Variants in POLN observed in about 807,000 individuals in gnomAD.
The protein encoded by POLN is DNA polymerase N.
A neutral mutation model predicts 113.5 loss-of-function variants in POLN; 108 were observed. That is an observed-to-expected ratio of 0.95 (90% CI 0.81 to 1.12). POLN has a LOEUF of 1.12. POLN is among the 50% of genes most tolerant of loss of function. The pLI is 0.00. For synonymous variants in POLN, 386 were observed against 391.5 expected, an observed-to-expected ratio of 0.99 and a Z score of 0.17; for missense variants, 1,097 against 1,077.1, an observed-to-expected ratio of 1.02 and a Z score of -0.26.
chr4:2,215,250 T>C (rs1202926807), intron 3 of POLN, among the ~76,000 whole-genome samples: 3 of 151,950 alleles, frequency 2.0e-5, no homozygotes, highest in African/African-American at 7.3e-5. Flanking sequence ...GGGGGGAAAA[T>C]GACTCCAGCT....
At chr4:2,119,981 C>T (rs1188496387) in intron 19 of POLN, among the ~76,000 whole-genome samples, 2 of 152,254 alleles carry the variant, frequency 1.3e-5, no homozygotes, top group East Asian at 3.9e-4. Flanking sequence ...TTCAAGTTGG[C>T]TTTATGAGTG....
At chr4:2,132,075 A>G (rs1731740921) in intron 16 of POLN, among the ~76,000 whole-genome samples, 1 of 152,182 alleles carries the variant, frequency 6.6e-6, no homozygotes, top group Non-Finnish European at 1.5e-5. Context: ...TTCCCCCTAG[A>G]AGCCCTGGGA....
At chr4:2,081,518 T>C (rs894795167) in intron 22 of POLN, 115 bp downstream of exon 22, 1 of 1,002,506 alleles carries the variant, frequency 1.0e-6, no homozygotes, top group South Asian at 1.5e-5. Flanking sequence ...TGCAAGGAGG[T>C]TTGTGATGAG....
intron 16 of POLN, among the ~76,000 whole-genome samples, chr4:2,149,110 A>G (rs1732226248): frequency 6.6e-6 from 1 of 152,134 alleles, no homozygotes; most frequent in Non-Finnish European, 1.5e-5. Flanking sequence ...CCTGGGCAAC[A>G]TGGTGAAACC....
intron 16 of POLN, among the ~76,000 whole-genome samples, chr4:2,146,958 T>G (rs1477271838): frequency 6.6e-6 from 1 of 152,140 alleles, no homozygotes; most frequent in Non-Finnish European, 1.5e-5. Context: ...AGCATATATT[T>G]AGGAAAATAA....
chr4:2,234,190 T>G (rs1734677895), intron 2 of POLN: 1 of 152,224 alleles, frequency 6.6e-6, no homozygotes, highest in African/African-American at 2.4e-5. Flanking sequence ...AATGTTTATT[T>G]CATCATGCTA....
At chr4:2,236,491 T>A in intron 2 of POLN, 2 of 1,432,184 alleles carry the variant, frequency 1.4e-6, no homozygotes, top group Non-Finnish European at 9.8e-7. Flanking sequence ...AGGGAAAAAT[T>A]ATCAAGTCAG....
chr4:2,168,043 G>T (rs1254897366), intron 13 of POLN, among the ~76,000 whole-genome samples: 2 of 152,084 alleles, frequency 1.3e-5, no homozygotes. Context: ...GTCAAACAAT[G>T]AGAAAAAAAT....
intron 20 of POLN, among the ~76,000 whole-genome samples, chr4:2,087,033 T>C (rs1219155042): frequency 6.6e-6 from 1 of 152,182 alleles, no homozygotes; most frequent in East Asian, 1.9e-4. Context: ...AGAGAGAATA[T>C]TCAAGTCTTA....
chr4:2,074,244 A>G lies in POLN; in HGVS notation c.2455+1208T>C, dbSNP rs1730223427. ...GGGCCCTCGGGAGGGCAGGCAGGGC[A>G]GAGATGCTGGGCGCTACACACCGCC... On this transcript the variant is annotated intron_variant, in intron 24 of 25. Coordinates refer to ENST00000511885, the MANE Select transcript of POLN (RefSeq NM_181808.4). Among the ~76,000 whole-genome samples the G allele has an allele frequency of 2.6e-5, 4 of 152,174 alleles. No homozygotes were observed. In the South Asian group the frequency reaches 8.3e-4, roughly 32 times the overall value.
At chr4:2,100,757 A>G (rs1213274946) in intron 19 of POLN, among the ~76,000 whole-genome samples, 1 of 152,240 alleles carries the variant, frequency 6.6e-6, no homozygotes, top group African/African-American at 2.4e-5. Context: ...AATCAGGGGA[A>G]GCAAAGAAAA....
chr4:2,164,366 TG>T (rs1439034661), intron 13 of POLN, among the ~76,000 whole-genome samples: 15 of 151,558 alleles, frequency 9.9e-5, no homozygotes, highest in Admixed American at 2.0e-4. Flanking sequence ...CCAGGCGTGG[TG>T]GTGCATGCCT....
intron 21 of POLN, among the ~76,000 whole-genome samples, chr4:2,082,474 A>T (rs1730444729): frequency 6.6e-6 from 1 of 152,186 alleles, no homozygotes; most frequent in African/African-American, 2.4e-5. Context: ...TCCAATCTTG[A>T]GTGGCCTGAA....
chr4:2,217,561 G>A (rs994067678), intron 3 of POLN, among the ~76,000 whole-genome samples: 1 of 152,160 alleles, frequency 6.6e-6, no homozygotes, highest in East Asian at 1.9e-4. Flanking sequence ...TCTGGCTCAT[G>A]GTCACTTGAT....
Position 2,157,905 on chromosome 4 carries a change from T to A in POLN, c.1618A>T (p.Lys540Ter). Residue 540 changes from lysine (K) to a stop codon, truncating the protein, a stop_gained, in exon 15 of 26, where the codon AAG (lysine) becomes TAG (stop). Coordinates refer to ENST00000511885, the MANE Select transcript of POLN (RefSeq NM_181808.4). LOFTEE classifies it high-confidence loss of function. ...KIILEYRQVH[K>*]IKSTFVDGLL... ...CCATCTACAAAGGTTGACTTGATCT[T>A]GTGAACCTAAGGTGGAAAGACAAGA... The A allele has an allele frequency of 6.2e-7, 1 of 1,605,376 alleles. No homozygotes were observed. Among genetic ancestry groups the A allele is most frequent in the Non-Finnish European group, 8.5e-7 (1 of 1,173,570 alleles).
intron 8 of POLN, among the ~76,000 whole-genome samples, chr4:2,178,376 G>A (rs954570117): frequency 6.6e-6 from 1 of 152,242 alleles, no homozygotes; most frequent in Admixed American, 6.5e-5. Flanking sequence ...TCTTCCAGCA[G>A]TGATTTTACC....
chr4:2,119,989 G>C (rs970219663), intron 19 of POLN, among the ~76,000 whole-genome samples: 4 of 152,274 alleles, frequency 2.6e-5, no homozygotes, highest in African/African-American at 9.6e-5. Flanking sequence ...GGCTTTATGA[G>C]TGCTCAGCTT....
chr4:2,101,541 G>C (rs929702870), intron 19 of POLN, among the ~76,000 whole-genome samples: 1 of 152,246 alleles, frequency 6.6e-6, no homozygotes, highest in Non-Finnish European at 1.5e-5. Context: ...GTACAATCCA[G>C]GCCATAGGAG....
intron 2 of POLN, among the ~76,000 whole-genome samples, chr4:2,232,945 T>C (rs951146052): frequency 2.6e-5 from 4 of 152,170 alleles, no homozygotes; most frequent in African/African-American, 9.6e-5. Context: ...ATCATAATTA[T>C]CTGAGGTACT....
Sources: allele counts gnomAD v4.1 joint callset (sites outside exome capture counted in the v4.1 genomes callset), GRCh38; gene constraint gnomAD v4.1.1; transcripts MANE v1.5; gene names NCBI Gene and HGNC (gene_info 2026-07-23, HGNC 2026-07-21).